Variants in DRC7 observed in about 807,000 individuals in gnomAD.
The protein encoded by DRC7 is dynein regulatory complex subunit 7.
DRC7 carries 80 observed loss-of-function variants against 104.4 expected under a neutral mutation model. That is an observed-to-expected ratio of 0.77 (90% CI 0.64 to 0.92). The LOEUF (loss-of-function observed/expected upper bound fraction) is 0.92. Ranked by LOEUF, DRC7 falls within the 40% of genes least tolerant of loss-of-function variation. DRC7 has a pLI of 0.00. For missense variants in DRC7, 1,034 were observed against 1,141.1 expected (o/e 0.91, Z 1.35); for synonymous variants, 405 against 447.3 (o/e 0.91, Z 1.19).
chr16:57,704,783 G>C, intron 6 of DRC7, 93 bp from the exon 7 acceptor site: 1 of 1,461,922 alleles, frequency 6.8e-7, no homozygotes, highest in South Asian at 1.3e-5. Flanking sequence ...CCCCCGGTCT[G>C]AGGGACTGGC....
At chr16:57,723,730 G>GAA (rs879314145) in intron 12 of DRC7, among the ~76,000 whole-genome samples, 1 of 108,724 alleles carries the variant, frequency 9.2e-6, no homozygotes. Flanking sequence ...CCTGTCTCAA[G>GAA]AAAAAAAAAA....
chr16:57,723,160 A>C, intron 12 of DRC7, 30 bp downstream of exon 12: 2 of 1,609,622 alleles, frequency 1.2e-6, no homozygotes, highest in Non-Finnish European at 8.5e-7. Context: ...TGGGCCACCC[A>C]GGAGCCTGGG....
At position 57,718,372 on chromosome 16, in the gene DRC7, C is replaced by G; in HGVS notation, c.1103C>G (p.Pro368Arg). The change falls in exon 9 of 19, where the codon CCT becomes CGT. Residue 368 changes from proline (P) to arginine (R), a missense_variant. Transcript: ENST00000360716. ...GACTTGATCTTTGACCTGGGTGACC[C>G]TGTGAGATGGGAGTACATGCTCCTG... Reference protein sequence around the residue: ...CKDLIFDLGDPVRWEYMLLGT... With the variant: ...CKDLIFDLGDRVRWEYMLLGT... 6.2e-7 allele frequency: 1 copy of G among 1,614,092 alleles called. No homozygotes were observed. The highest frequency in any genetic ancestry group is 1.3e-5 in the African/African-American group (1 of 75,046).
At chr16:57,714,792 C>A in intron 8 of DRC7, 1 of 405,542 alleles carries the variant, frequency 2.5e-6, no homozygotes. Flanking sequence ...CTGTCAACAG[C>A]CATGGGCTTG....
At chr16:57,714,688 G>A (rs2048823240) in intron 8 of DRC7, 1 of 235,502 alleles carries the variant, frequency 4.2e-6, no homozygotes, top group Non-Finnish European at 8.5e-6. Flanking sequence ...TATCGGGAAT[G>A]AAATGAAGAG....
intron 5 of DRC7, among the ~76,000 whole-genome samples, chr16:57,700,946 A>G (rs1189713818): frequency 6.6e-6 from 1 of 152,148 alleles, no homozygotes; most frequent in Non-Finnish European, 1.5e-5. Flanking sequence ...AATGCATTGC[A>G]ATCCTAGTTA....
chr16:57,726,862 C>G lies in DRC7; in HGVS notation c.2005C>G (p.Leu669Val). 6.2e-7 allele frequency: 1 copy of G among 1,612,988 alleles called. No homozygotes were observed. Among genetic ancestry groups the G allele is most frequent in the South Asian group, 1.1e-5 (1 of 90,974 alleles). The change falls in exon 15 of 19, where the codon CTC becomes GTC. Residue 669 changes from leucine (L) to valine (V), a missense_variant. Physicochemically the swap from Leu to Val is conservative, Grantham distance 32 (BLOSUM62 1). Coordinates refer to ENST00000360716, the MANE Select transcript of DRC7 (RefSeq NM_001289162.2). Reference sequence around the variant, plus strand: ...GCCCATGGAGCACACCAAGAAGCTGCTCTACCAGTACGAGGCCATGATGCA... The same window carrying G: ...GCCCATGGAGCACACCAAGAAGCTGGTCTACCAGTACGAGGCCATGATGCA... ...VEPMEHTKKL[L>V]YQYEAMMHLK...
chr16:57,707,883 G>A, intron 8 of DRC7: 1 of 603,762 alleles, frequency 1.7e-6, no homozygotes, highest in Non-Finnish European at 3.0e-6. Flanking sequence ...CCTGATTTGT[G>A]TATCCTTCTA....
At chr16:57,701,797 AG>A (rs1483558989) in intron 5 of DRC7, 138 bp from the exon 6 acceptor site, 7 of 658,632 alleles carry the variant, frequency 1.1e-5, no homozygotes, top group Non-Finnish European at 1.8e-5. Context: ...TGACCCCACA[AG>A]GGTTAGGGGC....
intron 6 of DRC7, among the ~76,000 whole-genome samples, chr16:57,703,511 C>G (rs558942178): frequency 6.6e-6 from 1 of 152,108 alleles, no homozygotes; most frequent in African/African-American, 2.4e-5. Flanking sequence ...CACTGTGTAC[C>G]TGGGTTATAC....
intron 13 of DRC7, 45 bp downstream of exon 13, chr16:57,724,880 GC>G: frequency 2.0e-6 from 3 of 1,475,604 alleles, no homozygotes; most frequent in Non-Finnish European, 2.8e-6. Flanking sequence ...TCCTTCTCTG[GC>G]AGCTGATGTC....
At chr16:57,727,162 G>C in intron 15 of DRC7, 137 bp from the exon 16 acceptor site, 1 of 744,342 alleles carries the variant, frequency 1.3e-6, no homozygotes, top group Admixed American at 2.3e-5. Flanking sequence ...TAACAGATGG[G>C]GTTTTTCCAT....
intron 7 of DRC7, among the ~76,000 whole-genome samples, chr16:57,706,318 G>T (rs1334335654): frequency 2.1e-4 from 24 of 112,210 alleles, no homozygotes; most frequent in African/African-American, 4.2e-4. Flanking sequence ...CTCTGATCCA[G>T]CCATCCTTCC....
At chr16:57,718,258 C>A in intron 8 of DRC7, 89 bp from the exon 9 acceptor site, 1 of 1,516,736 alleles carries the variant, frequency 6.6e-7, no homozygotes, top group Non-Finnish European at 8.9e-7. Context: ...TTCTCTGCCC[C>A]GGAGTAGCCA....
Position 57,696,448 on chromosome 16 carries a change from ACATCT to A in DRC7, c.-168-12_-168-8del, listed in dbSNP as rs2048593210. 1 of 152,376 alleles carries A rather than the reference ACATCT, an allele frequency of 6.6e-6. No homozygotes were observed. The highest frequency in any genetic ancestry group is 6.5e-5 in the Admixed American group (1 of 15,304). The allele number at this position is 152,376 out of a possible 1,614,324, so 9.4% of individuals were successfully genotyped here. A position where few individuals can be genotyped will look rare whatever the true frequency, so the allele number is the denominator to read the frequency against. ...GAGGGCTCCCCAATCACTTCTGCCC[ACATCT>A]CATTGGCCAGAACCGGGTCACATCG... On this transcript the variant is annotated splice_polypyrimidine_tract_variant and intron_variant, in intron 1 of 18. Coordinates refer to ENST00000360716, the MANE Select transcript of DRC7 (RefSeq NM_001289162.2).
rs765943153 is a variant in DRC7, at chr16:57,698,133, A to G, written c.184A>G (p.Thr62Ala). 7 of 1,614,164 alleles carry G rather than the reference A, an allele frequency of 4.3e-6. No individual in the cohort carries two copies. In the East Asian group the frequency reaches 1.3e-4, roughly 31 times the overall value. Residue 62 changes from threonine to alanine, a missense_variant, in exon 3 of 19, where the codon ACT (threonine) becomes GCT (alanine). Physicochemically the swap from Thr to Ala is moderately conservative, Grantham distance 58. Coordinates refer to ENST00000360716, the MANE Select transcript of DRC7 (RefSeq NM_001289162.2). ...LEKKLSEIQITVSAELPAFTK... is the reference protein window; with the variant it reads ...LEKKLSEIQIAVSAELPAFTK... Reference sequence around the variant, plus strand: ...GAAGAAGCTGTCAGAGATCCAGATCACTGTCTCAGCGGAGCTCCCGTGAGT... The same window carrying G: ...GAAGAAGCTGTCAGAGATCCAGATCGCTGTCTCAGCGGAGCTCCCGTGAGT...
intron 6 of DRC7, among the ~76,000 whole-genome samples, 154 bp from the exon 7 acceptor site, chr16:57,704,722 G>A (rs1161488394): frequency 6.6e-6 from 1 of 152,214 alleles, no homozygotes; most frequent in Non-Finnish European, 1.5e-5. Context: ...TCATGGAGCT[G>A]GAGCTGCATT....
rs554996757 is a variant in DRC7, at chr16:57,698,143, C to T, written c.194C>T (p.Ala65Val). The change falls in exon 3 of 19, where the codon GCG (alanine) becomes GTG (valine). Residue 65 changes from alanine to valine, a missense_variant. Transcript: ENST00000360716. ...TCAGAGATCCAGATCACTGTCTCAG[C>T]GGAGCTCCCGTGAGTGTGGCAGGGT... The part of the protein sequence containing the change: ...KLSEIQITVS[A>V]ELPAFTKDTI... 16 of 1,614,050 alleles carry T rather than the reference C, an allele frequency of 9.9e-6. No individual in the cohort carries two copies. The Admixed American group carries it at 1.0e-4, about 10-fold the overall frequency.
In DRC7 at chr16:57,700,280, A is replaced by G. The variant is rs745567789; in HGVS notation, c.504+10A>G. 4 of 1,610,046 alleles carry G rather than the reference A, an allele frequency of 2.5e-6. No individual in the cohort carries two copies. In the East Asian group the frequency reaches 8.9e-5, roughly 36 times the overall value. ...TGACCCTCTCAAGCCGGTAAGCACC[A>G]CTCACAGGCTGCATGCCTGAGCCCA... On this transcript the variant is annotated intron_variant, in intron 5 of 18. Transcript: ENST00000360716.
Sources: gnomAD v4.1 joint callset for allele counts (sites outside exome capture counted in the v4.1 genomes callset) on GRCh38, gnomAD v4.1.1 for gene constraint, MANE v1.5 for transcripts, NCBI Gene and HGNC (gene_info 2026-07-23, HGNC 2026-07-21) for gene names.